Variants in ERC1 observed in about 807,000 individuals in gnomAD.
ERC1 encodes the protein RAB6 interacting protein 2.
A neutral mutation model predicts 132.0 loss-of-function variants in ERC1; 56 were observed. The observed-to-expected ratio is 0.42, with a 90% CI of 0.34 to 0.53. The LOEUF (loss-of-function observed/expected upper bound fraction) is 0.53. Among genes scored for constraint, ERC1 ranks in the 20% least tolerant of loss-of-function variants. The pLI, the probability that ERC1 is intolerant of heterozygous loss-of-function variation, is 0.03. For missense variants in ERC1, 1,202 were observed against 1,349.9 expected (o/e 0.89, Z 1.72); for synonymous variants, 478 against 476.1 (o/e 1.00, Z -0.05).
intron 11 of ERC1, among the ~76,000 whole-genome samples, chr12:1,184,229 T>A (rs1384304340): frequency 6.6e-6 from 1 of 152,086 alleles, no homozygotes; most frequent in Non-Finnish European, 1.5e-5. Flanking sequence ...GAATAATTGT[T>A]AAATATCCTG....
chr12:1,453,420 C>A (rs1053779234), intron 18 of ERC1, among the ~76,000 whole-genome samples: 2 of 152,134 alleles, frequency 1.3e-5, no homozygotes, highest in Non-Finnish European at 2.9e-5. Context: ...TGCCCTACCC[C>A]CAGAAGCACA....
At chr12:1,244,678 T>A (rs2076052684) in intron 13 of ERC1, 1 of 389,876 alleles carries the variant, frequency 2.6e-6, no homozygotes, top group Non-Finnish European at 5.1e-6. Flanking sequence ...TGTGCCACCA[T>A]GCCTGGCTAA....
intron 8 of ERC1, among the ~76,000 whole-genome samples, chr12:1,144,055 T>G (rs565901227): frequency 2.0e-4 from 30 of 152,316 alleles, no homozygotes; most frequent in African/African-American, 6.7e-4. Flanking sequence ...TTTTAATGTA[T>G]GTGCCCCATT....
chr12:1,246,260 T>G (rs896667711), intron 13 of ERC1, among the ~76,000 whole-genome samples: 1 of 149,270 alleles, frequency 6.7e-6, no homozygotes, highest in African/African-American at 2.5e-5. Context: ...GGTGGGAGAG[T>G]GCTTAAATTC....
intron 3 of ERC1, among the ~76,000 whole-genome samples, chr12:1,093,982 T>TATATATATATATAG (rs1190212077): frequency 5.3e-5 from 7 of 132,436 alleles, no homozygotes; most frequent in African/African-American, 1.9e-4. Context: ...TATATATATA[T>TATATATATATATAG]ATAGAAAAAC....
At chr12:1,334,932 A>G (rs2083186698) in intron 15 of ERC1, among the ~76,000 whole-genome samples, 1 of 152,152 alleles carries the variant, frequency 6.6e-6, no homozygotes, top group African/African-American at 2.4e-5. Flanking sequence ...TTCTTCTTGT[A>G]GAGATCTTTC....
At position 1,471,579 on chromosome 12, in the gene ERC1, A is replaced by AG. The variant is rs565151010; in HGVS notation, c.3214-18512dup. 2.1e-4 allele frequency among the ~76,000 whole-genome samples: 32 copies of AG among 152,284 alleles called. No individual in the cohort carries two copies. In the South Asian group the frequency reaches 6.6e-3, roughly 32 times the overall value. On this transcript the variant is annotated intron_variant, in intron 18 of 18. Transcript: ENST00000360905. ...GTTCCAGCTCCTGCTGTACATGAGGAGGTTAATTTGGAGTGACAGGTGTTA... is the reference window on the plus strand; with the variant it reads ...GTTCCAGCTCCTGCTGTACATGAGGAGGGTTAATTTGGAGTGACAGGTGTTA...
intron 15 of ERC1, among the ~76,000 whole-genome samples, chr12:1,309,721 T>C (rs1468066059): frequency 6.6e-6 from 1 of 151,740 alleles, no homozygotes; most frequent in Non-Finnish European, 1.5e-5. Context: ...TGACTTTTTT[T>C]TTTTTTTTTT....
intron 16 of ERC1, among the ~76,000 whole-genome samples, chr12:1,389,518 A>AT (rs1225625575): frequency 6.6e-6 from 1 of 152,216 alleles, no homozygotes; most frequent in Non-Finnish European, 1.5e-5. Flanking sequence ...GGATTTCAGA[A>AT]TTGGCTCTAC....
At chr12:1,475,710 A>G (rs1565512080) in intron 18 of ERC1, among the ~76,000 whole-genome samples, 1 of 152,196 alleles carries the variant, frequency 6.6e-6, no homozygotes, top group Non-Finnish European at 1.5e-5. Flanking sequence ...TTGGAAGAGG[A>G]GGAGGGAACT....
chr12:1,080,642 C>A (rs929373335), intron 2 of ERC1, among the ~76,000 whole-genome samples: 2 of 152,134 alleles, frequency 1.3e-5, no homozygotes, highest in Admixed American at 6.5e-5. Flanking sequence ...GTAAGTCTCA[C>A]GAGATCTGAT....
At chr12:1,333,064 C>T (rs2154358689) in intron 15 of ERC1, among the ~76,000 whole-genome samples, 1 of 151,718 alleles carries the variant, frequency 6.6e-6, no homozygotes, top group Non-Finnish European at 1.5e-5. Context: ...TCGTCCTGAT[C>T]CTCGTCCTGA....
At chr12:1,076,427 C>T (rs543144286) in intron 2 of ERC1, among the ~76,000 whole-genome samples, 2 of 143,920 alleles carry the variant, frequency 1.4e-5, no homozygotes, top group South Asian at 4.4e-4. Context: ...TGGAGTCTCA[C>T]TCTGTCGCCC....
chr12:1,434,907 C>T (rs961234505), intron 17 of ERC1, among the ~76,000 whole-genome samples: 1 of 152,176 alleles, frequency 6.6e-6, no homozygotes, highest in African/African-American at 2.4e-5. Context: ...GTGGTGATGA[C>T]CGTCAGAGTT....
chr12:1,017,807 A>G (rs1965756920), intron 1 of ERC1, among the ~76,000 whole-genome samples: 1 of 152,006 alleles, frequency 6.6e-6, no homozygotes, highest in Non-Finnish European at 1.5e-5. Flanking sequence ...CCCATCTGGT[A>G]TTTTTAAAAA....
chr12:1,474,799 C>T (rs1235058281), intron 18 of ERC1, among the ~76,000 whole-genome samples: 1 of 152,164 alleles, frequency 6.6e-6, no homozygotes, highest in Non-Finnish European at 1.5e-5. Context: ...CTGCCATATG[C>T]TTGGAGAGCC....
chr12:1,214,539 G>A (rs547599215), intron 12 of ERC1, among the ~76,000 whole-genome samples: 3 of 151,994 alleles, frequency 2.0e-5, no homozygotes, highest in South Asian at 4.2e-4. Context: ...CCCGCCTCCC[G>A]GCCTCCCCTC....
At position 1,083,505 on chromosome 12, in the gene ERC1, A is replaced by G. The variant is rs201156179; in HGVS notation, c.1011A>G (p.Ala337=). Residue 337 remains alanine (A), a synonymous_variant, in exon 3 of 19, where the codon GCA becomes GCG. Coordinates refer to ENST00000360905, the MANE Select transcript of ERC1 (RefSeq NM_178040.4). ...ACCATGAGAGAACAAGACGACTGGC[A>G]GAGGCAGAGATGCACGTTCATCACC... The part of the protein sequence containing the change: ...EEDHERTRRL[A]EAEMHVHHLE... 2.2e-4 allele frequency: 354 copies of G among 1,614,162 alleles called. No homozygotes were observed. Among genetic ancestry groups the G allele is most frequent in the Middle Eastern group, 4.9e-4 (3 of 6,062 alleles).
chr12:1,372,012 C>T, intron 16 of ERC1, 35 bp downstream of exon 16: 1 of 1,607,664 alleles, frequency 6.2e-7, no homozygotes, highest in East Asian at 2.2e-5. Flanking sequence ...GTCAGTGGGG[C>T]CAGCTTTCAC....
Sources: allele counts gnomAD v4.1 joint callset (sites outside exome capture counted in the v4.1 genomes callset), GRCh38; gene constraint gnomAD v4.1.1; transcripts MANE v1.5; gene names NCBI Gene and HGNC (gene_info 2026-07-23, HGNC 2026-07-21).